The following OCA2 variants were observed in gnomAD, a reference collection of about 807,000 sequenced individuals.
The protein encoded by OCA2 is OCA2 melanosomal transmembrane protein.
Under a neutral mutation model 100.2 loss-of-function variants are expected in OCA2, and 77 were observed. The observed-to-expected ratio is 0.77, with a 90% confidence interval of 0.64 to 0.93. OCA2 has a LOEUF of 0.93. Among genes scored for constraint, OCA2 ranks in the 40% least tolerant of loss-of-function variants. The pLI is 0.00. For synonymous variants in OCA2, 432 were observed against 439.2 expected (o/e 0.98, Z 0.21); for missense variants, 1,062 against 1,089.1 (o/e 0.98, Z 0.35).
chr15:27,952,188 A>G (rs1315441795), intron 17 of OCA2, among the ~76,000 whole-genome samples: 1 of 152,214 alleles, frequency 6.6e-6, no homozygotes, highest in Non-Finnish European at 1.5e-5. Context: ...ACAGGGGCCT[A>G]TGCTGTCTTC....
intron 18 of OCA2, among the ~76,000 whole-genome samples, chr15:27,937,253 T>A (rs1006718803): frequency 5.9e-5 from 9 of 152,242 alleles, no homozygotes; most frequent in Admixed American, 2.0e-4. Context: ...CGTTCATTTT[T>A]TATTTCTGTA....
chr15:27,915,131 T>C (rs181739673), intron 19 of OCA2, among the ~76,000 whole-genome samples: 6 of 152,264 alleles, frequency 3.9e-5, no homozygotes, highest in Non-Finnish European at 8.8e-5. Context: ...GTTCAATAAA[T>C]GGTGCTGAGA....
At chr15:28,095,024 A>G (rs2044946571) in intron 1 of OCA2, among the ~76,000 whole-genome samples, 1 of 152,244 alleles carries the variant, frequency 6.6e-6, no homozygotes, top group Non-Finnish European at 1.5e-5. Context: ...GCCCAAGAAA[A>G]GGCTCCAGGC....
the OCA2 span, among the ~76,000 whole-genome samples, chr15:27,722,959 A>G: frequency 6.6e-6 from 1 of 151,682 alleles, no homozygotes; most frequent in South Asian, 2.1e-4. Flanking sequence ...CTCCTGCCTC[A>G]GCCTCCCGAG....
intron 6 of OCA2, among the ~76,000 whole-genome samples, chr15:28,019,417 G>A (rs977958639): frequency 6.6e-6 from 1 of 152,058 alleles, no homozygotes; most frequent in South Asian, 2.1e-4. Flanking sequence ...AGTGCCCTGG[G>A]AGCCTGACAG....
chr15:27,960,765 A>G (rs2040383620), intron 15 of OCA2, among the ~76,000 whole-genome samples: 1 of 152,100 alleles, frequency 6.6e-6, no homozygotes, highest in Admixed American at 6.5e-5. Flanking sequence ...TTAGCTGGGC[A>G]TGGTGGCAGG....
At chr15:27,860,160 G>A (rs2036079261) in intron 21 of OCA2, among the ~76,000 whole-genome samples, 1 of 152,188 alleles carries the variant, frequency 6.6e-6, no homozygotes, top group African/African-American at 2.4e-5. Context: ...GGGAGACAGG[G>A]AGGATGAGGT....
At chr15:27,879,847 T>C (rs149449334) in intron 19 of OCA2, among the ~76,000 whole-genome samples, 1 of 152,338 alleles carries the variant, frequency 6.6e-6, no homozygotes, top group East Asian at 1.9e-4. Context: ...CAGAAGTTCT[T>C]TAGTTTAATT....
chr15:27,778,649 A>G (rs1199307751), intron 23 of OCA2, among the ~76,000 whole-genome samples: 15 of 152,184 alleles, frequency 9.9e-5, no homozygotes, highest in Admixed American at 9.8e-4. Flanking sequence ...AGGAGAGAAG[A>G]AAAGTTGTGG....
chr15:27,833,785 A>C (rs2035048508), intron 23 of OCA2, among the ~76,000 whole-genome samples: 1 of 152,176 alleles, frequency 6.6e-6, no homozygotes, highest in Admixed American at 6.5e-5. Flanking sequence ...TAAGCGTATA[A>C]AGAAACACTG....
At chr15:28,092,548 T>G (rs1595937903) in intron 1 of OCA2, among the ~76,000 whole-genome samples, 1 of 152,252 alleles carries the variant, frequency 6.6e-6, no homozygotes, top group East Asian at 1.9e-4. Context: ...AGATGGGGTC[T>G]TACTATGGTG....
chr15:27,999,046 T>C (rs1330119006), intron 9 of OCA2, among the ~76,000 whole-genome samples: 1 of 149,772 alleles, frequency 6.7e-6, no homozygotes, highest in South Asian at 2.1e-4. Flanking sequence ...CTGGGGACTG[T>C]TGTGGGGTGG....
chr15:27,908,075 C>A (rs1369993246), intron 19 of OCA2, among the ~76,000 whole-genome samples: 1 of 151,968 alleles, frequency 6.6e-6, no homozygotes, highest in Non-Finnish European at 1.5e-5. Context: ...AAGAGTACTA[C>A]AGAAAAGTAT....
intron 9 of OCA2, 151 bp from the exon 10 acceptor site, chr15:27,990,798 G>A: frequency 1.3e-6 from 1 of 741,026 alleles, no homozygotes. Context: ...TTCAGGCCTG[G>A]ACACCCCACA....
chr15:27,986,470 G>A, intron 12 of OCA2, 117 bp downstream of exon 12: 2 of 782,294 alleles, frequency 2.6e-6, no homozygotes, highest in Non-Finnish European at 4.3e-6. Flanking sequence ...ACCTTTAAAA[G>A]AAGGATGGAA....
intron 19 of OCA2, among the ~76,000 whole-genome samples, chr15:27,872,714 G>A (rs985793837): frequency 6.7e-6 from 1 of 148,962 alleles, no homozygotes; most frequent in Non-Finnish European, 1.5e-5. Context: ...TTTTGAGACA[G>A]AGTCTTGCTC....
At chr15:28,091,910 C>T (rs1027038525) in intron 1 of OCA2, among the ~76,000 whole-genome samples, 4 of 152,056 alleles carry the variant, frequency 2.6e-5, no homozygotes, top group African/African-American at 9.7e-5. Flanking sequence ...GAGCTGAGAT[C>T]GTGCCACTGC....
At chr15:28,095,627 G>A (rs559610836) in intron 1 of OCA2, among the ~76,000 whole-genome samples, 1 of 151,522 alleles carries the variant, frequency 6.6e-6, no homozygotes, top group South Asian at 2.1e-4. Flanking sequence ...TGAGGCAGGA[G>A]AACCGCTTGA....
intron 11 of OCA2, among the ~76,000 whole-genome samples, chr15:27,988,779 G>A (rs143202113): frequency 5.3e-4 from 81 of 152,172 alleles, no homozygotes; most frequent in Middle Eastern, 3.4e-3. Context: ...TCTCAGGCCC[G>A]ACACAAGTAT....
Sources: allele counts gnomAD v4.1 joint callset (sites outside exome capture counted in the v4.1 genomes callset), GRCh38; gene constraint gnomAD v4.1.1; transcripts MANE v1.5; gene names NCBI Gene and HGNC (gene_info 2026-07-23, HGNC 2026-07-21).